Variants in WASF1 observed in about 807,000 individuals in gnomAD.
WASF1 encodes actin-binding protein WASF1.
WASF1 carries 7 observed loss-of-function variants against 50.5 expected under a neutral mutation model. The ratio of observed to expected loss-of-function variants is 0.14; its 90% confidence interval spans 0.08 to 0.26. The LOEUF (loss-of-function observed/expected upper bound fraction) is 0.26. Among genes scored for constraint, WASF1 ranks in the 10% least tolerant of loss-of-function variants. WASF1 has a pLI of 1.00. For synonymous variants in WASF1, 205 were observed against 244.0 expected (o/e 0.84, Z 1.49); for missense variants, 470 against 694.7 (o/e 0.68, Z 3.64).
At chr6:110,171,987 C>T (rs1776738783) in intron 2 of WASF1, among the ~76,000 whole-genome samples, 1 of 152,208 alleles carries the variant, frequency 6.6e-6, no homozygotes, top group South Asian at 2.1e-4. Context: ...AATGAGATAT[C>T]ATCTCACGCC....
At chr6:110,132,227 A>G (rs1583970097) in intron 3 of WASF1, among the ~76,000 whole-genome samples, 2 of 152,002 alleles carry the variant, frequency 1.3e-5, no homozygotes, top group South Asian at 2.1e-4. Flanking sequence ...AGATCTTCCT[A>G]ATCTCTAACC....
chr6:110,104,658 G>T (rs1305988962), intron 8 of WASF1, among the ~76,000 whole-genome samples: 1 of 152,080 alleles, frequency 6.6e-6, no homozygotes. Context: ...GCGTGGTGGC[G>T]TGTGCCTGTA....
intron 7 of WASF1, among the ~76,000 whole-genome samples, chr6:110,106,745 C>A (rs529287656): frequency 6.6e-6 from 1 of 152,228 alleles, no homozygotes; most frequent in South Asian, 2.1e-4. Context: ...CCTTGGTACA[C>A]CTAACTCCTA....
intron 10 of WASF1, 29 bp from the exon 11 acceptor site, chr6:110,100,708 T>C: frequency 6.4e-7 from 1 of 1,570,874 alleles, no homozygotes; most frequent in Non-Finnish European, 8.6e-7. Context: ...ACCATTCATT[T>C]AAATCAAAAT....
rs1368112350 is a variant in WASF1 at position 110,101,789 on chromosome 6, A to G, written c.1321T>C (p.Ser441Pro). Residue 441 changes from serine (S) to proline (P), a missense_variant, in exon 10 of 11, where the codon TCA becomes CCA. Physicochemically the swap from Ser to Pro is moderately conservative, Grantham distance 74. This residue lies in a region of WASF1 where 294 missense variants were observed against 343.5 expected (regional missense o/e 0.86). Coordinates refer to ENST00000392589, the MANE Select transcript of WASF1 (RefSeq NM_003931.3). The stretch of plus-strand genomic sequence containing the variant: ...GCAAGAGCTGTAACTGTGACAGGTG[A>G]TGATGGTCGAATGCCAGGTGGAGGC... The part of the protein sequence containing the change: ...PLPPPGIRPS[S>P]PVTVTALAHP... 1.9e-6 allele frequency: 3 copies of G among 1,614,102 alleles called. No individual in the cohort carries two copies. Among genetic ancestry groups the G allele is most frequent in the Admixed American group, 1.7e-5 (1 of 60,006 alleles).
At position 110,107,734 on chromosome 6, in the gene WASF1, C is replaced by T. The variant is rs139318140; in HGVS notation, c.423-540G>A. Among the ~76,000 whole-genome samples, 1,091 of 152,224 alleles carry T rather than the reference C, an allele frequency of 7.2e-3. 19 individuals carry two copies. Among genetic ancestry groups the T allele is most frequent in the African/African-American group, 0.025 (1,049 of 41,544 alleles). ...TTTATTCAGGTTGTGTTGTACATTA[C>T]CCATTTAACAAACCATGTGAAAGAA... On this transcript the variant is annotated intron_variant, in intron 6 of 10. Coordinates refer to ENST00000392589, the MANE Select transcript of WASF1 (RefSeq NM_003931.3).
intron 7 of WASF1, among the ~76,000 whole-genome samples, chr6:110,106,026 AT>A (rs1773308147): frequency 6.6e-6 from 1 of 152,222 alleles, no homozygotes; most frequent in African/African-American, 2.4e-5. Context: ...AAAAAATCCA[AT>A]TATCTAATTA....
intron 1 of WASF1, 59 bp downstream of exon 1, chr6:110,179,380 A>C (rs530552722): frequency 3.2e-4 from 49 of 152,720 alleles, no homozygotes; most frequent in African/African-American, 1.1e-3. Context: ...AGTAAGGAAG[A>C]GTTCCTCTCC....
intron 5 of WASF1, among the ~76,000 whole-genome samples, chr6:110,110,508 C>CA (rs1294786484): frequency 6.6e-6 from 1 of 152,164 alleles, no homozygotes; most frequent in Admixed American, 6.5e-5. Flanking sequence ...ATGTAAGAAA[C>CA]ATGTAAACTA....
rs148945227 is a variant in WASF1, at chr6:110,167,420, T to A, written c.-126-6688A>T. Among the ~76,000 whole-genome samples, 5 of 152,024 alleles carry A rather than the reference T, an allele frequency of 3.3e-5. No homozygotes were observed. In the East Asian group the frequency reaches 9.7e-4, roughly 30 times the overall value. On this transcript the variant is annotated intron_variant, in intron 2 of 10. Coordinates refer to ENST00000392589, the MANE Select transcript of WASF1 (RefSeq NM_003931.3). ...GTTACTGCCTCTGAAGACCTTCCAG[T>A]GGGACAAGATGTGGAGGTAGAAGAC...
intron 5 of WASF1, among the ~76,000 whole-genome samples, chr6:110,110,573 T>G (rs752582688): frequency 6.6e-6 from 1 of 152,232 alleles, no homozygotes; most frequent in Non-Finnish European, 1.5e-5. Flanking sequence ...GTTTGTCTTA[T>G]TATTAACAGA....
At chr6:110,148,093 G>C (rs772621875) in intron 3 of WASF1, among the ~76,000 whole-genome samples, 4 of 152,174 alleles carry the variant, frequency 2.6e-5, no homozygotes, top group Non-Finnish European at 5.9e-5. Context: ...ATTGAAGTTT[G>C]AGGCATCTAA....
intron 2 of WASF1, among the ~76,000 whole-genome samples, chr6:110,172,047 G>C (rs1229511707): frequency 6.6e-6 from 1 of 152,174 alleles, no homozygotes; most frequent in Non-Finnish European, 1.5e-5. Flanking sequence ...ATGCTGGAGA[G>C]AATGTGGAGA....
chr6:110,128,991 C>A (rs572515898), intron 3 of WASF1, among the ~76,000 whole-genome samples: 1 of 152,020 alleles, frequency 6.6e-6, no homozygotes, highest in East Asian at 1.9e-4. Context: ...ACTCCACACA[C>A]CCCCACCCCC....
intron 2 of WASF1, among the ~76,000 whole-genome samples, chr6:110,172,414 C>T (rs1776758951): frequency 6.6e-6 from 1 of 151,878 alleles, no homozygotes; most frequent in Admixed American, 6.6e-5. Flanking sequence ...AATGAAGATT[C>T]CTTGAAAATA....
chr6:110,102,284 C>A, intron 9 of WASF1, 68 bp from the exon 10 acceptor site: 5 of 1,327,572 alleles, frequency 3.8e-6, no homozygotes, highest in East Asian at 5.6e-5. Flanking sequence ...TCTAACCACA[C>A]AAACTATAAA....
At chr6:110,111,127 T>C (rs1407809848) in intron 5 of WASF1, among the ~76,000 whole-genome samples, 1 of 152,180 alleles carries the variant, frequency 6.6e-6, no homozygotes, top group Non-Finnish European at 1.5e-5. Flanking sequence ...TGAAACTAAA[T>C]GTTGATTTTT....
chr6:110,151,451 GAT>G (rs1213531918), intron 3 of WASF1, among the ~76,000 whole-genome samples: 1 of 152,162 alleles, frequency 6.6e-6, no homozygotes, highest in Non-Finnish European at 1.5e-5. Context: ...ACAAGGTGGA[GAT>G]AAAAGCATCC....
intron 2 of WASF1, among the ~76,000 whole-genome samples, chr6:110,166,003 G>A (rs1017491029): frequency 6.6e-6 from 1 of 151,452 alleles, no homozygotes; most frequent in African/African-American, 2.4e-5. Context: ...AAGGACAAGG[G>A]GTAAAAATGC....
Sources: gnomAD v4.1 joint callset for allele counts (sites outside exome capture counted in the v4.1 genomes callset) on GRCh38, gnomAD v4.1.1 for gene constraint, gnomAD v4.1.1 regional missense constraint, MANE v1.5 for transcripts, NCBI Gene and HGNC (gene_info 2026-07-23, HGNC 2026-07-21) for gene names.